The following RGS7BP variants were observed in gnomAD, a reference collection of about 807,000 sequenced individuals.
The protein encoded by RGS7BP is regulator of G protein signaling 7-binding protein.
In RGS7BP, 9 loss-of-function variants were observed where a neutral mutation model predicts 31.3. The observed-to-expected ratio is 0.29, with a 90% CI of 0.17 to 0.50. RGS7BP has a LOEUF of 0.50. RGS7BP is among the 20% of genes least tolerant of loss of function. The probability of loss-of-function intolerance (pLI) is 0.98; values close to 1 mark genes in which losing one functional copy is unlikely to be tolerated. For synonymous variants in RGS7BP, 115 were observed against 120.1 expected (o/e 0.96, Z 0.28); for missense variants, 274 against 322.0 (o/e 0.85, Z 1.14).
chr5:64,608,591 A>G (rs889512930), intron 5 of RGS7BP, among the ~76,000 whole-genome samples: 4 of 152,090 alleles, frequency 2.6e-5, no homozygotes, highest in Admixed American at 2.0e-4. Context: ...TCTATGCTAG[A>G]CAGTAAGCTA....
chr5:64,508,546 A>C (rs987399657), intron 2 of RGS7BP, among the ~76,000 whole-genome samples: 1 of 152,140 alleles, frequency 6.6e-6, no homozygotes, highest in Non-Finnish European at 1.5e-5. Flanking sequence ...AGTATGTGAA[A>C]ACTTCTCTCT....
chr5:64,595,588 AC>A (rs1743043229), intron 4 of RGS7BP, among the ~76,000 whole-genome samples: 1 of 152,148 alleles, frequency 6.6e-6, no homozygotes, highest in Admixed American at 6.6e-5. Context: ...GCTAAAAATG[AC>A]ATTCTGCGAG....
chr5:64,601,372 A>G (rs1743213678), intron 5 of RGS7BP: 1 of 700,252 alleles, frequency 1.4e-6, no homozygotes, highest in Non-Finnish European at 1.8e-6. Flanking sequence ...GCATTTAAAG[A>G]CTTAATCATA....
intron 4 of RGS7BP, 152 bp from the exon 5 acceptor site, chr5:64,598,213 G>A (rs766888903): frequency 1.0e-4 from 59 of 582,402 alleles, no homozygotes; most frequent in Non-Finnish European, 1.7e-4. Flanking sequence ...TCTTGTAAAA[G>A]CAAAATAAAT....
chr5:64,602,531 A>G (rs1580472436), intron 5 of RGS7BP, among the ~76,000 whole-genome samples: 1 of 152,158 alleles, frequency 6.6e-6, no homozygotes, highest in African/African-American at 2.4e-5. Context: ...ATGGTCACCA[A>G]TGATGTGTCA....
chr5:64,538,491 TTTCC>T (rs1350036321), intron 2 of RGS7BP, among the ~76,000 whole-genome samples: 18 of 144,080 alleles, frequency 1.2e-4, no homozygotes, highest in African/African-American at 4.1e-4. Context: ...AGCCATTTTT[TTTCC>T]TTTTCTTTTC....
rs994651335 is a variant in RGS7BP, at chr5:64,611,005, A to G, written c.*1753A>G. Reference sequence around the variant, plus strand: ...ATGGTTATAGGTATACCTGGCTTCAAAAAAAAGAAGTAGCCGTGGAAAGCT... The same window carrying G: ...ATGGTTATAGGTATACCTGGCTTCAGAAAAAAGAAGTAGCCGTGGAAAGCT... On this transcript the variant is annotated 3_prime_UTR_variant, in exon 6 of 6. Coordinates refer to ENST00000334025, the MANE Select transcript of RGS7BP (RefSeq NM_001029875.3). 2 of 151,896 alleles carry G rather than the reference A, an allele frequency of 1.3e-5. No individual in the cohort carries two copies. Among genetic ancestry groups the G allele is most frequent in the African/African-American group, 4.8e-5 (2 of 41,392 alleles). The allele number at this position is 151,896 out of a possible 1,614,324, so 9.4% of individuals were successfully genotyped here.
chr5:64,554,143 A>T (rs1741865316), intron 2 of RGS7BP, among the ~76,000 whole-genome samples: 1 of 152,124 alleles, frequency 6.6e-6, no homozygotes, highest in Non-Finnish European at 1.5e-5. Context: ...TCAATCGGGA[A>T]CTCTGGCAGG....
Position 64,544,393 on chromosome 5 carries a change from G to A in RGS7BP, c.333-31381G>A, listed in dbSNP as rs187869364. On this transcript the variant is annotated intron_variant, in intron 2 of 5. Transcript: ENST00000334025. ...AGATGAGACTTGAAGATGTATAGGA[G>A]GCCAGGCATTGTGGCTCCTGTCTGT... Among the ~76,000 whole-genome samples the A allele has an allele frequency of 2.1e-3, 318 of 152,164 alleles. 1 individual carries two copies. The highest frequency in any genetic ancestry group is 3.9e-3 in the Non-Finnish European group (266 of 68,004).
rs1398809886 is a variant in RGS7BP at position 64,611,830 on chromosome 5, C to T, written c.*2578C>T. 1 of 151,916 alleles carries T rather than the reference C, an allele frequency of 6.6e-6. No homozygotes were observed. The highest frequency in any genetic ancestry group is 2.4e-5 in the African/African-American group (1 of 41,382). The allele number at this position is 151,916 out of a possible 1,614,324, so 9.4% of individuals were successfully genotyped here. On this transcript the variant is annotated 3_prime_UTR_variant, in exon 6 of 6. Transcript: ENST00000334025. ...GACAGGCCAATGCATCCCTTAGGAG[C>T]TGCCCCACTCTCCTCTCACCTACCA...
chr5:64,563,333 T>G (rs1444510545), intron 2 of RGS7BP, among the ~76,000 whole-genome samples: 2 of 152,082 alleles, frequency 1.3e-5, no homozygotes, highest in Non-Finnish European at 2.9e-5. Flanking sequence ...TCCCCCAAAT[T>G]CATATGTTGA....
At chr5:64,528,601 C>G (rs1269367600) in intron 2 of RGS7BP, among the ~76,000 whole-genome samples, 1 of 151,970 alleles carries the variant, frequency 6.6e-6, no homozygotes, top group African/African-American at 2.4e-5. Flanking sequence ...CACCTGAGGT[C>G]AGGTGTTCGA....
intron 3 of RGS7BP, among the ~76,000 whole-genome samples, chr5:64,588,797 G>A (rs1363835963): frequency 6.6e-6 from 1 of 151,644 alleles, no homozygotes; most frequent in Non-Finnish European, 1.5e-5. Context: ...AAAATCATTT[G>A]AGTATGGAGA....
At chr5:64,548,681 A>AT (rs1361066968) in intron 2 of RGS7BP, among the ~76,000 whole-genome samples, 1 of 151,874 alleles carries the variant, frequency 6.6e-6, no homozygotes, top group East Asian at 1.9e-4. Flanking sequence ...TAATTTTTGT[A>AT]TTTTTAGTAG....
chr5:64,532,226 A>G (rs1749388432), intron 2 of RGS7BP, among the ~76,000 whole-genome samples: 1 of 152,148 alleles, frequency 6.6e-6, no homozygotes, highest in African/African-American at 2.4e-5. Context: ...GAGCTAAACA[A>G]TGACTTGATG....
intron 5 of RGS7BP, among the ~76,000 whole-genome samples, chr5:64,603,370 A>T (rs1026340829): frequency 1.3e-5 from 2 of 152,186 alleles, no homozygotes; most frequent in Non-Finnish European, 2.9e-5. Flanking sequence ...CATGGGGGGA[A>T]CTTTCTGGAG....
intron 3 of RGS7BP, among the ~76,000 whole-genome samples, chr5:64,579,505 C>T (rs1275055163): frequency 8.0e-6 from 1 of 124,454 alleles, no homozygotes; most frequent in African/African-American, 3.1e-5. Flanking sequence ...GATCATACCA[C>T]TGCACTCCAG....
At chr5:64,597,153 T>G (rs1206755704) in intron 4 of RGS7BP, among the ~76,000 whole-genome samples, 3 of 152,146 alleles carry the variant, frequency 2.0e-5, no homozygotes, top group Non-Finnish European at 4.4e-5. Context: ...CAAGAGCACT[T>G]TCTCCAATGC....
At chr5:64,524,543 A>G (rs981778022) in intron 2 of RGS7BP, among the ~76,000 whole-genome samples, 1 of 152,146 alleles carries the variant, frequency 6.6e-6, no homozygotes, top group Non-Finnish European at 1.5e-5. Flanking sequence ...TTCCTCTATA[A>G]TTTCTTCTAA....
Sources: gnomAD v4.1 joint callset for allele counts (sites outside exome capture counted in the v4.1 genomes callset) on GRCh38, gnomAD v4.1.1 for gene constraint, MANE v1.5 for transcripts, NCBI Gene and HGNC (gene_info 2026-07-23, HGNC 2026-07-21) for gene names.